ALDH18A1: variants seen among roughly 807,000 people sequenced by gnomAD.
The protein encoded by ALDH18A1 is delta-1-pyrroline-5-carboxylate synthase.
A neutral mutation model predicts 88.8 loss-of-function variants in ALDH18A1; 44 were observed. That is an observed-to-expected ratio of 0.50 (90% CI 0.39 to 0.64). The LOEUF (loss-of-function observed/expected upper bound fraction) is 0.64. Ranked by LOEUF, ALDH18A1 falls within the 30% of genes least tolerant of loss-of-function variation. The pLI is 0.00. For synonymous variants in ALDH18A1, 331 were observed against 372.1 expected (o/e 0.89, Z 1.27); for missense variants, 782 against 1,009.5 (o/e 0.77, Z 3.05).
chr10:95,613,266 A>G (rs182773433), intron 15 of ALDH18A1, among the ~76,000 whole-genome samples: 175 of 152,354 alleles, frequency 1.1e-3, no homozygotes, highest in Non-Finnish European at 1.8e-3. Flanking sequence ...ATCCAGGGAG[A>G]CATTCTACAA....
intron 6 of ALDH18A1, 145 bp from the exon 7 acceptor site, chr10:95,633,194 A>G: frequency 1.3e-6 from 1 of 789,268 alleles, no homozygotes; most frequent in Non-Finnish European, 2.2e-6. Flanking sequence ...CGGCTCTTGC[A>G]GGCCCCTTCT....
intron 3 of ALDH18A1, 94 bp downstream of exon 3, chr10:95,642,898 A>AT: frequency 3.1e-6 from 4 of 1,293,402 alleles, no homozygotes; most frequent in Non-Finnish European, 4.4e-6. Flanking sequence ...AATCACAATT[A>AT]TTTTTTTAAG....
At chr10:95,648,803 C>A (rs929123040) in intron 2 of ALDH18A1, among the ~76,000 whole-genome samples, 1 of 152,176 alleles carries the variant, frequency 6.6e-6, no homozygotes, top group African/African-American at 2.4e-5. Context: ...CTAAGTCAAT[C>A]TGAGACCTGA....
intron 7 of ALDH18A1, among the ~76,000 whole-genome samples, chr10:95,632,096 A>G (rs1313233598): frequency 6.6e-6 from 1 of 152,222 alleles, no homozygotes; most frequent in Non-Finnish European, 1.5e-5. Context: ...AACCTTGAAA[A>G]CATGCTAAGT....
intron 17 of ALDH18A1, among the ~76,000 whole-genome samples, chr10:95,609,845 C>T (rs781349033): frequency 2.8e-5 from 4 of 142,294 alleles, no homozygotes; most frequent in Admixed American, 7.4e-5. Flanking sequence ...TCGGGCTCAC[C>T]GCAACCTCTG....
At chr10:95,614,261 G>A (rs1164354696) in intron 13 of ALDH18A1, 100 bp from the exon 14 acceptor site, 1 of 1,248,240 alleles carries the variant, frequency 8.0e-7, no homozygotes, top group African/African-American at 1.5e-5. Context: ...TACACTCTGA[G>A]AACTAAGTGA....
chr10:95,612,210 GCTTTCAGCAC>G (rs2097836360), intron 15 of ALDH18A1, among the ~76,000 whole-genome samples: 2 of 152,166 alleles, frequency 1.3e-5, no homozygotes, highest in African/African-American at 4.8e-5. Flanking sequence ...TTGGTCAGGT[GCTTTCAGCAC>G]CTGAAACTGT....
rs573913548 is a variant in ALDH18A1 at position 95,627,692 on chromosome 10, G to A, written c.934-106C>T. The A allele has an allele frequency of 1.0e-4, 131 of 1,304,930 alleles. 1 individual carries two copies. The South Asian group carries it at 1.5e-3, about 15-fold the overall frequency. 80.8% of individuals were successfully genotyped at this position (1,304,930 alleles called of 1,614,324 possible). ...TACAAGTTGATATTGAACAACTTAA[G>A]TATATGAGAGAATGTTTTTAAAAGC... On this transcript the variant is annotated intron_variant, in intron 8 of 17. Transcript: ENST00000371224.
At chr10:95,652,453 C>T (rs77961899) in intron 2 of ALDH18A1, among the ~76,000 whole-genome samples, 2,423 of 152,274 alleles carry the variant, frequency 0.016, 63 homozygotes, top group African/African-American at 0.055. Context: ...AGCATGGGGC[C>T]GGGCACAGTG....
chr10:95,627,658 G>T (rs954965703), intron 8 of ALDH18A1, 72 bp from the exon 9 acceptor site: 2 of 1,560,144 alleles, frequency 1.3e-6, no homozygotes, highest in Non-Finnish European at 1.8e-6. Context: ...CTTGCAAAAA[G>T]ATATAAAATA....
intron 1 of ALDH18A1, among the ~76,000 whole-genome samples, chr10:95,654,006 G>A (rs2097914201): frequency 6.6e-6 from 1 of 152,150 alleles, no homozygotes; most frequent in African/African-American, 2.4e-5. Context: ...TGGAGGAAGA[G>A]AATATGGCTA....
At chr10:95,625,504 G>A in intron 10 of ALDH18A1, 49 bp from the exon 11 acceptor site, 1 of 1,489,278 alleles carries the variant, frequency 6.7e-7, no homozygotes, top group South Asian at 1.1e-5. Flanking sequence ...AATCCAAGAA[G>A]AATGCACACC....
Position 95,633,604 on chromosome 10 carries a change from T to A in ALDH18A1, c.604A>T (p.Asn202Tyr), listed in dbSNP as rs754366956. ...LDFHDEQKRR[N>Y]LNGTLHELLR... ...AGTTCATGAAGTGTTCCATTGAGGT[T>A]CCGGCGCTTCTGCTCATCATGGAAA... is the stretch of plus-strand genomic sequence containing the variant. The change falls in exon 6 of 18, where the codon AAC becomes TAC. Residue 202 changes from asparagine (N) to tyrosine (Y), a missense_variant. By Grantham distance (143) the Asn-to-Tyr change is moderately radical (BLOSUM62 -2). Transcript: ENST00000371224. 6.2e-7 allele frequency: 1 copy of A among 1,614,112 alleles called. No homozygotes were observed. Among genetic ancestry groups the A allele is most frequent in the Admixed American group, 1.7e-5 (1 of 60,006 alleles).
Position 95,643,144 on chromosome 10 carries a change from C to T in ALDH18A1, c.151G>A (p.Val51Ile), listed in dbSNP as rs755553870. ...TTGCCATGTGTACGACTGAGGGGTA[C>T]AGTGATAAACGGGATGTTGCTCCAA... ...RSWSNIPFIT[V>I]PLSRTHGKSF... Residue 51 changes from valine (V) to isoleucine (I), a missense_variant, in exon 3 of 18, where the codon GTA (valine) becomes ATA (isoleucine). Coordinates refer to ENST00000371224, the MANE Select transcript of ALDH18A1 (RefSeq NM_002860.4). 1 of 1,614,188 alleles carries T rather than the reference C, an allele frequency of 6.2e-7. No individual in the cohort carries two copies. Among genetic ancestry groups the T allele is most frequent in the Non-Finnish European group, 8.5e-7 (1 of 1,180,044 alleles).
chr10:95,633,364 G>C, intron 6 of ALDH18A1, 127 bp downstream of exon 6: 1 of 1,228,246 alleles, frequency 8.1e-7, no homozygotes, highest in East Asian at 2.4e-5. Context: ...TGCAGTCACT[G>C]CTCCATGACA....
rs751554112 is a variant in ALDH18A1 at position 95,616,624 on chromosome 10, A to T, written c.1468-10T>A. 1.2e-6 allele frequency: 2 copies of T among 1,602,990 alleles called. No homozygotes were observed. The highest frequency in any genetic ancestry group is 1.7e-6 in the Non-Finnish European group (2 of 1,174,580). On this transcript the variant is annotated splice_polypyrimidine_tract_variant and intron_variant, in intron 12 of 17. Coordinates refer to ENST00000371224, the MANE Select transcript of ALDH18A1 (RefSeq NM_002860.4). ...TAGCCAAAGCTGCCACCTGCAGATC[A>T]AAGGGAGAGCAGTGGATCAAAGGAG...
chr10:95,639,936 CCAA>C (rs545220501), intron 3 of ALDH18A1, among the ~76,000 whole-genome samples: 50 of 151,122 alleles, frequency 3.3e-4, no homozygotes, highest in Non-Finnish European at 6.5e-4. Context: ...TTTTTTTTCC[CCAA>C]CAAGTCTTTA....
chr10:95,626,602 C>G, intron 10 of ALDH18A1, 101 bp downstream of exon 10: 1 of 1,100,082 alleles, frequency 9.1e-7, no homozygotes, highest in South Asian at 1.3e-5. Context: ...AACTCTGTGG[C>G]TCACTAGGAA....
chr10:95,648,839 T>G (rs900151935), intron 2 of ALDH18A1, among the ~76,000 whole-genome samples: 1 of 152,188 alleles, frequency 6.6e-6, no homozygotes, highest in Non-Finnish European at 1.5e-5. Context: ...ACTGTGCAGC[T>G]GAGCCCAGTC....
Sources: allele counts gnomAD v4.1 joint callset (sites outside exome capture counted in the v4.1 genomes callset), GRCh38; gene constraint gnomAD v4.1.1; transcripts MANE v1.5; gene names NCBI Gene and HGNC (gene_info 2026-07-23, HGNC 2026-07-21).